The following SERPINB6 variants were observed in gnomAD, a reference collection of about 807,000 sequenced individuals.
The protein encoded by SERPINB6 is serpin family B member 6.
Under a neutral mutation model 26.1 loss-of-function variants are expected in SERPINB6, and 16 were observed. The ratio of observed to expected loss-of-function variants is 0.61; its 90% CI spans 0.42 to 0.93. SERPINB6 has a LOEUF of 0.93. SERPINB6 is among the 40% of genes least tolerant of loss of function. SERPINB6 has a pLI of 0.00. For missense variants in SERPINB6, 420 were observed against 478.0 expected (o/e 0.88, Z 1.13); for synonymous variants, 174 against 176.6 (o/e 0.99, Z 0.11).
At chr6:2,959,532 T>C (rs2113257060) in intron 1 of SERPINB6, 190 bp from the exon 2 acceptor site, 1 of 645,476 alleles carries the variant, frequency 1.5e-6, no homozygotes. Flanking sequence ...GTGTGGAAAA[T>C]GAAAGAGTTC....
intron 1 of SERPINB6, chr6:2,970,310 T>C: frequency 1.0e-6 from 1 of 986,972 alleles, no homozygotes; most frequent in African/African-American, 1.7e-5. Context: ...TAACTTAAAA[T>C]ACTTAGTTTA....
Position 2,954,781 on chromosome 6 carries a change from C to A in SERPINB6, c.313-72G>T, listed in dbSNP as rs185997292. 8.0e-5 allele frequency: 77 copies of A among 967,938 alleles called. No homozygotes were observed. In the African/African-American group the frequency reaches 1.1e-3, roughly 14 times the overall value. 60.0% of individuals were successfully genotyped at this position (967,938 alleles called of 1,614,324 possible). ...ACACCAACGGCCTACTTCTTCATTG[C>A]ACCAAGTCAGAAAATCTATAATTTT... On this transcript the variant is annotated intron_variant, in intron 3 of 6. Coordinates refer to ENST00000380539, the MANE Select transcript of SERPINB6 (RefSeq NM_004568.6).
chr6:2,948,713 G>C lies in SERPINB6; in HGVS notation c.730-14C>G. The C allele has an allele frequency of 6.2e-7, 1 of 1,613,702 alleles. No homozygotes were observed. Among genetic ancestry groups the C allele is most frequent in the Non-Finnish European group, 8.5e-7 (1 of 1,179,628 alleles). ...TTCTTTCTCCACCTAGAGGGAGACA[G>C]TTGAAGACTTTAAGACCCAGGGTGC... On this transcript the variant is annotated splice_polypyrimidine_tract_variant and intron_variant, in intron 6 of 6. Transcript: ENST00000380539. The surrounding 1 kb of genome is among the most constrained non-coding windows in gnomAD (Gnocchi z 5.0).
intron 5 of SERPINB6, among the ~76,000 whole-genome samples, chr6:2,951,184 G>A (rs570409379): frequency 3.9e-5 from 6 of 152,162 alleles, no homozygotes; most frequent in Non-Finnish European, 5.9e-5. Flanking sequence ...TCAGGAGTTC[G>A]AGACCAACCT....
rs201952350 is a variant in SERPINB6, at chr6:2,953,070, C to T, written c.547G>A (p.Glu183Lys). The T allele has an allele frequency of 1.9e-6, 3 of 1,614,230 alleles. No individual in the cohort carries two copies. The highest frequency in any genetic ancestry group is 1.3e-5 in the African/African-American group (1 of 75,066). Residue 183 changes from glutamate (E) to lysine (K), a missense_variant, in exon 5 of 7, where the codon GAG (glutamate) becomes AAG (lysine). Physicochemically the swap from Glu to Lys is moderately conservative, Grantham distance 56. Coordinates refer to ENST00000380539, the MANE Select transcript of SERPINB6 (RefSeq NM_004568.6). ...TTGCTGACTTTAAACAGTCTCTCCT[C>T]GGTGTTCTCCTTGTCAAACTGTTCA... ...WDEQFDKENT[E>K]ERLFKVSKNE...
At chr6:2,959,035 T>C in intron 2 of SERPINB6, 133 bp downstream of exon 2, 1 of 1,206,238 alleles carries the variant, frequency 8.3e-7, no homozygotes. Context: ...GGCATGCCCT[T>C]CCCTGTAAAC....
chr6:2,970,980 G>C (rs1454112508), intron 1 of SERPINB6: 1 of 1,168,474 alleles, frequency 8.6e-7, no homozygotes. Context: ...GGATGGCACC[G>C]TTTGGCGCCG....
At chr6:2,968,525 A>G in intron 1 of SERPINB6, 1 of 1,157,116 alleles carries the variant, frequency 8.6e-7, no homozygotes, top group Non-Finnish European at 1.1e-6. Context: ...TCCCTCATTT[A>G]CACTTTTCAT....
intron 5 of SERPINB6, among the ~76,000 whole-genome samples, chr6:2,952,347 T>C (rs1052201583): frequency 1.3e-5 from 2 of 152,202 alleles, no homozygotes; most frequent in African/African-American, 4.8e-5. Flanking sequence ...CTGTAATTAA[T>C]CTATTCTGTT....
intron 1 of SERPINB6, chr6:2,969,428 A>G: frequency 2.1e-6 from 2 of 964,922 alleles, no homozygotes; most frequent in Non-Finnish European, 2.5e-6. Context: ...TAAAAACTAT[A>G]CCATTTAAAA....
Position 2,959,275 on chromosome 6 carries a change from C to G in SERPINB6, c.58G>C (p.Gly20Arg), listed in dbSNP as rs775408746. Reference sequence around the variant, plus strand: ...AACACATTCTTCGAGTTGTCTTTACCCAGCGTTTTCAAAAGGTTTAAGGCA... The same window carrying G: ...AACACATTCTTCGAGTTGTCTTTACGCAGCGTTTTCAAAAGGTTTAAGGCA... ...TFALNLLKTL[G>R]KDNSKNVFFS... is the part of the protein sequence containing the mutation. The change falls in exon 2 of 7, where the codon GGT (glycine) becomes CGT (arginine). Residue 20 changes from glycine (G) to arginine (R), a missense_variant. By Grantham distance (125) the Gly-to-Arg change is moderately radical. Coordinates refer to ENST00000380539, the MANE Select transcript of SERPINB6 (RefSeq NM_004568.6). The G allele has an allele frequency of 9.3e-6, 15 of 1,614,016 alleles. No individual in the cohort carries two copies. Among genetic ancestry groups the G allele is most frequent in the Non-Finnish European group, 1.3e-5 (15 of 1,180,038 alleles).
chr6:2,954,622 T>C lies in SERPINB6; in HGVS notation c.400A>G (p.Ile134Val), dbSNP rs773592860. 5.0e-6 allele frequency: 8 copies of C among 1,613,958 alleles called. No individual in the cohort carries two copies. The highest frequency in any genetic ancestry group is 6.8e-6 in the Non-Finnish European group (8 of 1,179,966). Residue 134 changes from isoleucine to valine, a missense_variant, in exon 4 of 7, where the codon ATA (isoleucine) becomes GTA (valine). Ile to Val is a conservative substitution (Grantham distance 29). Transcript: ENST00000380539. ...GTCTTTTCAGCTACCCAGGTGTTTA[T>C]GTGTTTTCTGGACTTCTCTACGGCG... is the stretch of plus-strand genomic sequence containing the variant. ...ISAVEKSRKH[I>V]NTWVAEKTEG...
intron 1 of SERPINB6, chr6:2,968,948 G>A (rs1215203127): frequency 1.2e-5 from 15 of 1,219,994 alleles, no homozygotes; most frequent in South Asian, 8.6e-5. Context: ...GATGGGGGTC[G>A]GGGGGCTTCT....
At chr6:2,955,158 C>G in intron 3 of SERPINB6, 1 of 301,212 alleles carries the variant, frequency 3.3e-6, no homozygotes, top group Non-Finnish European at 6.3e-6. Context: ...CCACCACACT[C>G]CAGCCTGGGC....
chr6:2,962,990 G>C (rs531733617), intron 1 of SERPINB6, among the ~76,000 whole-genome samples: 2 of 152,244 alleles, frequency 1.3e-5, no homozygotes, highest in South Asian at 4.2e-4. Flanking sequence ...GATAGTTCTG[G>C]CAAAGGCAAA....
rs2113379249 is a variant in SERPINB6, at chr6:2,971,313, C to T, written c.-11+220G>A. On this transcript the variant is annotated intron_variant, in intron 1 of 6. Coordinates refer to ENST00000380539, the MANE Select transcript of SERPINB6 (RefSeq NM_004568.6). ...AGGGAACCCAAGCCGGACGCTCGCC[C>T]GGGCCCCCGCCCCGCTGGGACTGCT... The T allele has an allele frequency of 1.2e-5, 5 of 421,920 alleles. No individual in the cohort carries two copies. In the South Asian group the frequency reaches 4.9e-4, roughly 41 times the overall value. 26.1% of individuals were successfully genotyped at this position (421,920 alleles called of 1,614,324 possible).
chr6:2,970,867 G>C (rs1317914720), intron 1 of SERPINB6: 1 of 1,231,436 alleles, frequency 8.1e-7, no homozygotes, highest in Non-Finnish European at 1.0e-6. Flanking sequence ...AAGGAGATCC[G>C]GGCTGGTCCA....
At chr6:2,953,232 A>C (rs765672306) in intron 4 of SERPINB6, 46 bp from the exon 5 acceptor site, 1 of 1,613,254 alleles carries the variant, frequency 6.2e-7, no homozygotes, top group Admixed American at 1.7e-5. Context: ...GCGGCTGCGG[A>C]TCCCCGACAC....
intron 5 of SERPINB6, among the ~76,000 whole-genome samples, chr6:2,951,256 C>T (rs1406906320): frequency 6.6e-6 from 1 of 152,064 alleles, no homozygotes; most frequent in African/African-American, 2.4e-5. Flanking sequence ...CATAGTGGCA[C>T]ACACCTGTAA....
Sources: allele counts gnomAD v4.1 joint callset (sites outside exome capture counted in the v4.1 genomes callset), GRCh38; gene constraint gnomAD v4.1.1; non-coding constraint Gnocchi (gnomAD v3.1); transcripts MANE v1.5; gene names NCBI Gene and HGNC (gene_info 2026-07-23, HGNC 2026-07-21).